DPYD: variants seen among roughly 807,000 people sequenced by gnomAD.
The protein encoded by DPYD is dihydropyrimidine dehydrogenase, also known as dihydropyrimidine dehydrogenase [NADP(+)].
Under a neutral mutation model 116.2 loss-of-function variants are expected in DPYD, and 109 were observed. The ratio of observed to expected loss-of-function variants is 0.94; its 90% CI spans 0.80 to 1.10. The LOEUF (loss-of-function observed/expected upper bound fraction) is 1.10. DPYD is among the 50% of genes least tolerant of loss of function. The probability of loss-of-function intolerance (pLI) is 0.00; values close to 1 mark genes in which losing one functional copy is unlikely to be tolerated. For synonymous variants in DPYD, 440 were observed against 432.0 expected, an observed-to-expected ratio of 1.02 and a Z score of -0.23; for missense variants, 1,302 against 1,254.5, an observed-to-expected ratio of 1.04 and a Z score of -0.57.
intron 10 of DPYD, among the ~76,000 whole-genome samples, chr1:97,584,448 C>A (rs139725653): frequency 6.6e-6 from 1 of 151,904 alleles, no homozygotes; most frequent in South Asian, 2.1e-4. Context: ...GCTTTTGTTG[C>A]CATTGTTTTT....
At chr1:97,195,906 G>T (rs1409908021) in intron 19 of DPYD, among the ~76,000 whole-genome samples, 2 of 151,346 alleles carry the variant, frequency 1.3e-5, no homozygotes, top group African/African-American at 4.9e-5. Context: ...GTAACACTCG[G>T]CAATATACCG....
At chr1:97,844,702 A>G (rs1670205563) in intron 2 of DPYD, among the ~76,000 whole-genome samples, 1 of 152,100 alleles carries the variant, frequency 6.6e-6, no homozygotes, top group Non-Finnish European at 1.5e-5. Context: ...TGGGAGCCCC[A>G]CACACTTCTG....
chr1:97,504,207 C>G (rs1679755266), intron 13 of DPYD, among the ~76,000 whole-genome samples: 2 of 151,892 alleles, frequency 1.3e-5, no homozygotes, highest in Admixed American at 1.3e-4. Context: ...ATATGTGTTC[C>G]CCGCAGTTTT....
intron 13 of DPYD, among the ~76,000 whole-genome samples, chr1:97,507,528 TA>T (rs1387781009): frequency 2.0e-5 from 3 of 151,972 alleles, no homozygotes; most frequent in Non-Finnish European, 4.4e-5. Flanking sequence ...TTAATCTTTT[TA>T]AAAAATCCAG....
At chr1:97,315,092 T>A (rs957597391) in intron 16 of DPYD, among the ~76,000 whole-genome samples, 32 of 151,934 alleles carry the variant, frequency 2.1e-4, no homozygotes, top group Non-Finnish European at 4.7e-4. Context: ...TGAGTAGATA[T>A]GCTAAAGTAA....
intron 15 of DPYD, among the ~76,000 whole-genome samples, chr1:97,375,212 G>T (rs1471990338): frequency 6.6e-6 from 1 of 152,048 alleles, no homozygotes; most frequent in Non-Finnish European, 1.5e-5. Context: ...TTTATCACAT[G>T]CAAAGGCTTA....
intron 18 of DPYD, among the ~76,000 whole-genome samples, chr1:97,279,789 C>T (rs1373488480): frequency 1.3e-5 from 2 of 152,060 alleles, no homozygotes; most frequent in East Asian, 3.9e-4. Context: ...GGATTACAGG[C>T]GTGAGACAGA....
At chr1:97,645,279 A>G (rs1438814250) in intron 8 of DPYD, among the ~76,000 whole-genome samples, 3 of 152,060 alleles carry the variant, frequency 2.0e-5, no homozygotes, top group Non-Finnish European at 4.4e-5. Flanking sequence ...ATTTCCTTGT[A>G]CCCTCGTCAA....
intron 18 of DPYD, among the ~76,000 whole-genome samples, chr1:97,274,183 T>C (rs1168808892): frequency 1.3e-5 from 2 of 152,128 alleles, no homozygotes; most frequent in African/African-American, 4.8e-5. Flanking sequence ...GAACATGATA[T>C]GGTTTGTATA....
chr1:97,839,232 A>G (rs1669923261), intron 2 of DPYD, among the ~76,000 whole-genome samples: 1 of 152,206 alleles, frequency 6.6e-6, no homozygotes, highest in Admixed American at 6.5e-5. Flanking sequence ...AAATGGTTTA[A>G]TTTTTTAACT....
At chr1:97,640,404 G>T (rs1483821136) in intron 8 of DPYD, among the ~76,000 whole-genome samples, 2 of 152,056 alleles carry the variant, frequency 1.3e-5, no homozygotes, top group African/African-American at 4.8e-5. Flanking sequence ...CGCCTCCCAG[G>T]TTCAAGCAGT....
intron 13 of DPYD, among the ~76,000 whole-genome samples, chr1:97,498,883 A>G (rs908005573): frequency 6.6e-6 from 1 of 151,606 alleles, no homozygotes; most frequent in East Asian, 1.9e-4. Flanking sequence ...AATAGAAAAC[A>G]ACATTGAAAT....
At chr1:97,434,867 T>C (rs960150657) in intron 14 of DPYD, among the ~76,000 whole-genome samples, 3 of 152,048 alleles carry the variant, frequency 2.0e-5, no homozygotes, top group African/African-American at 7.2e-5. Context: ...AAACTATCCA[T>C]AGGAAAGTCC....
At chr1:97,615,185 G>A (rs568148158) in intron 8 of DPYD, among the ~76,000 whole-genome samples, 2 of 152,212 alleles carry the variant, frequency 1.3e-5, no homozygotes, top group African/African-American at 2.4e-5. Flanking sequence ...TTGTCCAACT[G>A]CTTACTGAAC....
At chr1:97,110,627 T>C (rs977817533) in intron 20 of DPYD, among the ~76,000 whole-genome samples, 1 of 152,118 alleles carries the variant, frequency 6.6e-6, no homozygotes, top group African/African-American at 2.4e-5. Context: ...GCATCATTAA[T>C]TTACTTCCCT....
At chr1:97,135,732 C>T (rs905936409) in intron 20 of DPYD, among the ~76,000 whole-genome samples, 7 of 152,082 alleles carry the variant, frequency 4.6e-5, no homozygotes, top group African/African-American at 1.7e-4. Flanking sequence ...TGTTTTCTAT[C>T]CTCTATACTC....
chr1:97,364,487 A>G lies in DPYD; in HGVS notation c.2058+9074T>C, dbSNP rs139784816. ...CAAAGATGTTTAAGACATCTCAAAG[A>G]CAGTAAAATTGTAATTCATGCTTTA... On this transcript the variant is annotated intron_variant, in intron 16 of 22. Transcript: ENST00000370192. 1.8e-3 allele frequency among the ~76,000 whole-genome samples: 271 copies of G among 152,326 alleles called. 1 individual carries two copies. Among genetic ancestry groups the G allele is most frequent in the African/African-American group, 6.3e-3 (264 of 41,584 alleles).
chr1:97,234,810 A>G, intron 19 of DPYD, 42 bp downstream of exon 19: 1 of 1,611,228 alleles, frequency 6.2e-7, no homozygotes, highest in Non-Finnish European at 8.5e-7. Context: ...TGCATTTGTG[A>G]GATGGAGATT....
At chr1:97,659,777 C>T (rs1019179771) in intron 8 of DPYD, among the ~76,000 whole-genome samples, 1 of 152,100 alleles carries the variant, frequency 6.6e-6, no homozygotes, top group Non-Finnish European at 1.5e-5. Flanking sequence ...AATTACATTG[C>T]CCTTCATCGA....
Sources: allele counts gnomAD v4.1 joint callset (sites outside exome capture counted in the v4.1 genomes callset), GRCh38; gene constraint gnomAD v4.1.1; transcripts MANE v1.5; gene names NCBI Gene and HGNC (gene_info 2026-07-23, HGNC 2026-07-21).